PPARGC1A: variants seen among roughly 807,000 people sequenced by gnomAD.
The protein encoded by PPARGC1A is PPARG coactivator 1 alpha.
In PPARGC1A, 25 loss-of-function variants were observed where a neutral mutation model predicts 88.7. That is an observed-to-expected ratio of 0.28 (90% CI 0.21 to 0.39). PPARGC1A has a LOEUF of 0.39. Ranked by LOEUF, PPARGC1A falls within the 10% of genes least tolerant of loss-of-function variation. PPARGC1A has a pLI of 1.00. For missense variants in PPARGC1A, 880 were observed against 968.7 expected (o/e 0.91, Z 1.22); for synonymous variants, 363 against 355.6 (o/e 1.02, Z -0.24).
chr4:23,832,301 T>G lies in PPARGC1A; in HGVS notation c.235-550A>C, dbSNP rs528133314. Among the ~76,000 whole-genome samples the G allele has an allele frequency of 4.5e-4, 68 of 152,280 alleles. 1 individual carries two copies. In the South Asian group the frequency reaches 7.3e-3, roughly 16 times the overall value. ...GAACACTCCAAAATCATTTATTTAT[T>G]TTGCTCCCTGACATCTCTCCCAACT... is the stretch of plus-strand genomic sequence containing the variant. On this transcript the variant is annotated intron_variant, in intron 2 of 12. Coordinates refer to ENST00000264867, the MANE Select transcript of PPARGC1A (RefSeq NM_013261.5).
chr4:24,114,956 GA>G, the PPARGC1A span, among the ~76,000 whole-genome samples: 2 of 152,162 alleles, frequency 1.3e-5, no homozygotes, highest in South Asian at 4.2e-4. Context: ...CATACTTTAA[GA>G]AACCAAAATG....
At chr4:24,050,395 A>C in the PPARGC1A span, among the ~76,000 whole-genome samples, 1 of 151,872 alleles carries the variant, frequency 6.6e-6, no homozygotes, top group East Asian at 1.9e-4. Context: ...ACGGGGTTTC[A>C]TCATGTTGGT....
the PPARGC1A span, among the ~76,000 whole-genome samples, chr4:24,414,448 G>A: frequency 1.3e-5 from 2 of 152,104 alleles, no homozygotes; most frequent in Non-Finnish European, 2.9e-5. Flanking sequence ...TAGAGTCACC[G>A]TACCTCTAGG....
chr4:24,102,030 CAGG>C, the PPARGC1A span, among the ~76,000 whole-genome samples: 1 of 152,136 alleles, frequency 6.6e-6, no homozygotes, highest in Admixed American at 6.6e-5. Context: ...GCTCTCTGGG[CAGG>C]AGAATATGGC....
At chr4:23,981,869 T>C in the PPARGC1A span, among the ~76,000 whole-genome samples, 2 of 152,132 alleles carry the variant, frequency 1.3e-5, no homozygotes, top group Admixed American at 6.5e-5. Flanking sequence ...AAGGAGATGC[T>C]GGGCTTAGTG....
the PPARGC1A span, among the ~76,000 whole-genome samples, chr4:24,021,974 T>A: frequency 6.6e-6 from 1 of 152,132 alleles, no homozygotes; most frequent in African/African-American, 2.4e-5. Flanking sequence ...GGCCACTTAG[T>A]ACAATGTGGC....
the PPARGC1A span, among the ~76,000 whole-genome samples, chr4:24,201,619 T>G: frequency 6.6e-6 from 1 of 152,238 alleles, no homozygotes; most frequent in Non-Finnish European, 1.5e-5. Context: ...TCTTCACTGC[T>G]TTCCTTGTTC....
the PPARGC1A span, among the ~76,000 whole-genome samples, chr4:24,276,919 T>C: frequency 1.3e-5 from 2 of 151,880 alleles, no homozygotes; most frequent in African/African-American, 4.8e-5. Flanking sequence ...CCAAGCAAAA[T>C]GATGAATATC....
At chr4:23,807,283 T>C (rs913860253) in intron 10 of PPARGC1A, among the ~76,000 whole-genome samples, 4 of 152,204 alleles carry the variant, frequency 2.6e-5, no homozygotes, top group African/African-American at 9.7e-5. Flanking sequence ...GCCGTTAATA[T>C]TGATTATCTA....
the PPARGC1A span, among the ~76,000 whole-genome samples, chr4:24,398,168 T>C: frequency 4.6e-5 from 7 of 152,200 alleles, no homozygotes; most frequent in Non-Finnish European, 1.5e-5. Context: ...AGCACAATGA[T>C]GGGAAATGAT....
chr4:24,046,284 A>C, the PPARGC1A span, among the ~76,000 whole-genome samples: 1 of 152,152 alleles, frequency 6.6e-6, no homozygotes, highest in Non-Finnish European at 1.5e-5. Flanking sequence ...TTCTCTTCCT[A>C]GGTTTCCTCT....
At position 23,795,920 on chromosome 4, in the gene PPARGC1A, T is replaced by A; in HGVS notation, c.2299A>T (p.Asn767Tyr). 1 of 1,610,206 alleles carries A rather than the reference T, an allele frequency of 6.2e-7. No individual in the cohort carries two copies. The highest frequency in any genetic ancestry group is 8.5e-7 in the Non-Finnish European group (1 of 1,178,078). The change falls in exon 13 of 13, where the codon AAC becomes TAC. Residue 767 changes from asparagine (N) to tyrosine (Y), a missense_variant. By Grantham distance (143) the Asn-to-Tyr change is moderately radical. Transcript: ENST00000264867. ...FKSNYADLDS[N>Y]SDDFDPASTK... ...GAAGCAGGGTCAAAGTCATCTGAGT[T>A]TGAATCTGAAAAAAAACACAAGCCA...
At chr4:23,838,405 A>C (rs1039750621) in intron 2 of PPARGC1A, among the ~76,000 whole-genome samples, 1 of 152,294 alleles carries the variant, frequency 6.6e-6, no homozygotes, top group Admixed American at 6.5e-5. Flanking sequence ...TCCTTAAAAT[A>C]ACCCAATTAC....
At chr4:23,918,076 C>CT in the PPARGC1A span, among the ~76,000 whole-genome samples, 1 of 152,172 alleles carries the variant, frequency 6.6e-6, no homozygotes, top group Non-Finnish European at 1.5e-5. Flanking sequence ...AAACTCTGGC[C>CT]TTTCACCTGT....
At chr4:23,813,364 A>G (rs1180008254) in intron 8 of PPARGC1A, among the ~76,000 whole-genome samples, 1 of 152,128 alleles carries the variant, frequency 6.6e-6, no homozygotes, top group Non-Finnish European at 1.5e-5. Context: ...GGTCTGGTAC[A>G]CTGTCAGCTT....
chr4:24,053,114 G>A, the PPARGC1A span, among the ~76,000 whole-genome samples: 863 of 150,532 alleles, frequency 5.7e-3, 5 homozygotes, highest in Non-Finnish European at 8.2e-3. Context: ...CTCATGATCC[G>A]CCCGCCTCGG....
chr4:24,451,578 T>C, the PPARGC1A span, among the ~76,000 whole-genome samples: 9 of 152,242 alleles, frequency 5.9e-5, 1 homozygote, highest in East Asian at 1.7e-3. Flanking sequence ...TTTGTTGTTG[T>C]TGTTGTTGTT....
At chr4:24,038,646 G>A in the PPARGC1A span, among the ~76,000 whole-genome samples, 1 of 152,118 alleles carries the variant, frequency 6.6e-6, no homozygotes, top group Non-Finnish European at 1.5e-5. Context: ...GATCCTCAAG[G>A]TAGGGGAAGA....
At chr4:23,997,116 G>A in the PPARGC1A span, among the ~76,000 whole-genome samples, 222 of 152,180 alleles carry the variant, frequency 1.5e-3, 1 homozygote, top group African/African-American at 4.8e-3. Flanking sequence ...ATATAAAGAC[G>A]CCATGAAACA....
Sources: allele counts gnomAD v4.1 joint callset (sites outside exome capture counted in the v4.1 genomes callset), GRCh38; gene constraint gnomAD v4.1.1; transcripts MANE v1.5; gene names NCBI Gene and HGNC (gene_info 2026-07-23, HGNC 2026-07-21).